The following SPOCK3 variants were observed in gnomAD, a reference collection of about 807,000 sequenced individuals.
SPOCK3 encodes SPARC (osteonectin), cwcv and kazal like domains proteoglycan 3, also known as testican-3.
SPOCK3 carries 30 observed loss-of-function variants against 56.6 expected under a neutral mutation model. The observed-to-expected ratio is 0.53, with a 90% CI of 0.40 to 0.72. The LOEUF (loss-of-function observed/expected upper bound fraction) is 0.72. Ranked by LOEUF, SPOCK3 falls within the 30% of genes least tolerant of loss-of-function variation. The pLI is 0.00. For missense variants in SPOCK3, 527 were observed against 530.0 expected (o/e 0.99, Z 0.06); for synonymous variants, 196 against 183.3 (o/e 1.07, Z -0.56).
intron 4 of SPOCK3, among the ~76,000 whole-genome samples, chr4:166,934,143 T>C (rs1740100838): frequency 6.6e-6 from 1 of 151,250 alleles, no homozygotes; most frequent in South Asian, 2.1e-4. Context: ...TGGAGAAAAA[T>C]GAGTTCAAAA....
chr4:166,960,128 T>A (rs530297195), intron 4 of SPOCK3, among the ~76,000 whole-genome samples: 3 of 152,190 alleles, frequency 2.0e-5, no homozygotes, highest in Non-Finnish European at 4.4e-5. Context: ...AATGTTTGAT[T>A]TGAAAAGTAA....
intron 6 of SPOCK3, among the ~76,000 whole-genome samples, chr4:166,832,022 C>CATA (rs1411627899): frequency 4.6e-5 from 7 of 152,032 alleles, no homozygotes; most frequent in African/African-American, 1.7e-4. Context: ...TGTTTTCTCC[C>CATA]ATTCTGTAGG....
chr4:167,181,304 A>G (rs1360672371), intron 2 of SPOCK3, among the ~76,000 whole-genome samples: 1 of 152,186 alleles, frequency 6.6e-6, no homozygotes, highest in Non-Finnish European at 1.5e-5. Flanking sequence ...CCAAGGATTC[A>G]TTAGCAAATT....
At chr4:167,008,389 A>G (rs539387689) in intron 3 of SPOCK3, among the ~76,000 whole-genome samples, 1 of 152,282 alleles carries the variant, frequency 6.6e-6, no homozygotes, top group Admixed American at 6.5e-5. Flanking sequence ...AAACTATATT[A>G]CTAGAGGTAA....
chr4:167,042,036 CCCT>C (rs1352100951), intron 3 of SPOCK3, among the ~76,000 whole-genome samples: 3 of 152,208 alleles, frequency 2.0e-5, no homozygotes, highest in East Asian at 3.9e-4. Flanking sequence ...ATTCCATTTT[CCCT>C]CCTATTAGAA....
intron 2 of SPOCK3, among the ~76,000 whole-genome samples, chr4:167,111,431 T>C (rs1760891805): frequency 6.6e-6 from 1 of 152,082 alleles, no homozygotes; most frequent in South Asian, 2.1e-4. Context: ...TGATCACAAT[T>C]AGCCCCATCT....
chr4:166,987,941 G>GGGTATGGAATAATTTTCTCC (rs1216460973), intron 4 of SPOCK3, among the ~76,000 whole-genome samples: 3 of 152,074 alleles, frequency 2.0e-5, no homozygotes, highest in Non-Finnish European at 4.4e-5. Flanking sequence ...GGTAAAGAGA[G>GGGTATGGAATAATTTTCTCC]GGTATGGAAT....
intron 2 of SPOCK3, among the ~76,000 whole-genome samples, chr4:167,118,180 GTTTC>G (rs1163815086): frequency 6.6e-6 from 1 of 152,110 alleles, no homozygotes; most frequent in Non-Finnish European, 1.5e-5. Context: ...TGAATGTGAT[GTTTC>G]TTTCTATGTG....
chr4:166,831,685 C>T lies in SPOCK3; in HGVS notation c.590-39396G>A, dbSNP rs193246583. Among the ~76,000 whole-genome samples the T allele has an allele frequency of 7.6e-3, 1,076 of 142,258 alleles. 5 individuals are homozygous for T. Among genetic ancestry groups the T allele is most frequent in the Non-Finnish European group, 0.012 (762 of 66,122 alleles). The allele number at this position is 142,258 out of a possible 152,430, so 93.3% of individuals were successfully genotyped here. ...TATTTTCTTGACCAATCTGAGTAGT[C>T]TTGTCTATTATATGGACCTATTTTT... On this transcript the variant is annotated intron_variant, in intron 6 of 10. Coordinates refer to ENST00000357545, the MANE Select transcript of SPOCK3 (RefSeq NM_001040159.2).
intron 4 of SPOCK3, among the ~76,000 whole-genome samples, chr4:166,971,048 G>C (rs1476034884): frequency 6.6e-6 from 1 of 152,128 alleles, no homozygotes; most frequent in East Asian, 1.9e-4. Context: ...AATTAGGAAA[G>C]ACAAGTTGAA....
At chr4:166,743,962 G>T (rs1057409227) in intron 8 of SPOCK3, among the ~76,000 whole-genome samples, 1 of 152,152 alleles carries the variant, frequency 6.6e-6, no homozygotes, top group Non-Finnish European at 1.5e-5. Flanking sequence ...CAGGAAGCTC[G>T]ATCTGGGTGG....
At chr4:167,170,510 T>G (rs572789614) in intron 2 of SPOCK3, among the ~76,000 whole-genome samples, 1 of 152,294 alleles carries the variant, frequency 6.6e-6, no homozygotes, top group African/African-American at 2.4e-5. Context: ...TCTAGATACT[T>G]TACTTGTATT....
Position 166,930,586 on chromosome 4 carries a change from A to G in SPOCK3, c.351-17843T>C, listed in dbSNP as rs186627974. On this transcript the variant is annotated intron_variant, in intron 4 of 10. Transcript: ENST00000357545. ...GAGAAAAAAGCAACCTTTCATGAGG[A>G]CAATACATCAAAGAGAAATGACTAA... Among the ~76,000 whole-genome samples the G allele has an allele frequency of 1.5e-4, 23 of 152,302 alleles. 1 individual carries two copies. The highest frequency in any genetic ancestry group is 1.0e-3 in the Admixed American group (16 of 15,298).
At chr4:166,737,806 C>T (rs907945528) in intron 9 of SPOCK3, among the ~76,000 whole-genome samples, 1 of 152,146 alleles carries the variant, frequency 6.6e-6, no homozygotes, top group East Asian at 1.9e-4. Flanking sequence ...GCCATTGCCA[C>T]AATGAACTGC....
chr4:166,912,751 A>C lies in SPOCK3; in HGVS notation c.351-8T>G. On this transcript the variant is annotated splice_polypyrimidine_tract_variant and splice_region_variant and intron_variant, in intron 4 of 10. Transcript: ENST00000357545. ...ACTCCTGCTTCTTTCATCCTGTTAA[A>C]AAAATAAAGCAAGCATATTGAGCAT... 6.3e-7 allele frequency: 1 copy of C among 1,590,952 alleles called. No individual in the cohort carries two copies. Among genetic ancestry groups the C allele is most frequent in the Non-Finnish European group, 8.5e-7 (1 of 1,172,858 alleles).
chr4:167,126,433 TGGCTACTTGGGA>T (rs1286404195), intron 2 of SPOCK3, among the ~76,000 whole-genome samples: 1 of 151,904 alleles, frequency 6.6e-6, no homozygotes, highest in Non-Finnish European at 1.5e-5. Context: ...CCTGAAATCC[TGGCTACTTGGGA>T]GGCTGAGGCA....
intron 4 of SPOCK3, among the ~76,000 whole-genome samples, chr4:166,963,193 A>G (rs555835269): frequency 7.9e-5 from 12 of 152,096 alleles, no homozygotes; most frequent in African/African-American, 2.6e-4. Flanking sequence ...GATCATAAAA[A>G]TTTTTGTCCT....
intron 4 of SPOCK3, among the ~76,000 whole-genome samples, chr4:166,981,892 G>A (rs1746618025): frequency 6.6e-6 from 1 of 152,176 alleles, no homozygotes; most frequent in Admixed American, 6.5e-5. Flanking sequence ...GGAGGCTGGT[G>A]TGTCAGCACC....
chr4:166,797,036 C>T (rs1406182702), intron 6 of SPOCK3, among the ~76,000 whole-genome samples: 1 of 152,086 alleles, frequency 6.6e-6, no homozygotes, highest in African/African-American at 2.4e-5. Context: ...CAATATAAGA[C>T]AAAGTGCTCT....
Sources: gnomAD v4.1 joint callset for allele counts (sites outside exome capture counted in the v4.1 genomes callset) on GRCh38, gnomAD v4.1.1 for gene constraint, MANE v1.5 for transcripts, NCBI Gene and HGNC (gene_info 2026-07-23, HGNC 2026-07-21) for gene names.